The following DDO variants were observed in gnomAD, a reference collection of about 807,000 sequenced individuals.
DDO encodes the protein D-aspartate oxidase.
A neutral mutation model predicts 16.8 loss-of-function variants in DDO; 16 were observed. The observed-to-expected ratio is 0.95, with a 90% confidence interval of 0.65 to 1.45. The LOEUF is 1.45. Ranked by LOEUF, DDO falls within the 40% of genes most tolerant of loss-of-function variation. The probability of loss-of-function intolerance (pLI) is 0.00; values close to 1 mark genes in which losing one functional copy is unlikely to be tolerated. For missense variants in DDO, 429 were observed against 420.3 expected, an observed-to-expected ratio of 1.02 and a Z score of -0.18; for synonymous variants, 180 against 167.2, an observed-to-expected ratio of 1.08 and a Z score of -0.59.
Position 110,392,650 on chromosome 6 carries a change from AC to A in DDO, c.*124del. ...CCACCGTGCTCAGCTTACATGTTAC[AC>A]CACTTCTAATGTTGAAAACAAAGAA... On this transcript the variant is annotated 3_prime_UTR_variant, in exon 5 of 5. Transcript: ENST00000368924. 7.2e-7 allele frequency: 1 copy of A among 1,394,770 alleles called. No homozygotes were observed. The highest frequency in any genetic ancestry group is 1.8e-5 in the South Asian group (1 of 56,692). The allele number at this position is 1,394,770 out of a possible 1,614,324, so 86.4% of individuals were successfully genotyped here. A position where few individuals can be genotyped will look rare whatever the true frequency, so the allele number is the denominator to read the frequency against.
chr6:110,410,542 T>G (rs973356740), intron 2 of DDO, among the ~76,000 whole-genome samples: 1 of 152,192 alleles, frequency 6.6e-6, no homozygotes, highest in Non-Finnish European at 1.5e-5. Context: ...TCAGGAAACT[T>G]ACGATCGTGG....
chr6:110,406,297 G>GCA (rs754068666), intron 3 of DDO, among the ~76,000 whole-genome samples: 8 of 151,936 alleles, frequency 5.3e-5, no homozygotes, highest in Middle Eastern at 3.4e-3. Flanking sequence ...ACGCATGCAT[G>GCA]CACACACACA....
intron 4 of DDO, among the ~76,000 whole-genome samples, chr6:110,403,071 A>G (rs1773532870): frequency 6.6e-6 from 1 of 152,116 alleles, no homozygotes; most frequent in Non-Finnish European, 1.5e-5. Context: ...CCTTAATGAC[A>G]CCTCACCTTT....
At chr6:110,391,093 G>A (rs567995188), downstream of DDO, among the ~76,000 whole-genome samples, 4 of 152,170 alleles carry the variant, frequency 2.6e-5, no homozygotes, top group Non-Finnish European at 5.9e-5. Context: ...AATACTGCAA[G>A]GAATGATTAT....
chr6:110,400,260 G>A (rs983431947), intron 4 of DDO, among the ~76,000 whole-genome samples: 6 of 152,134 alleles, frequency 3.9e-5, no homozygotes, highest in South Asian at 2.1e-4. Flanking sequence ...CATTTGATTC[G>A]GTGTGGAAAT....
Position 110,407,481 on chromosome 6 carries a change from A to G in DDO, c.281+853T>C, listed in dbSNP as rs375370023. Among the ~76,000 whole-genome samples, 147 of 152,346 alleles carry G rather than the reference A, an allele frequency of 9.6e-4. 1 individual carries two copies. Among genetic ancestry groups the G allele is most frequent in the African/African-American group, 3.5e-3 (144 of 41,580 alleles). ...TTCACCCAATGCAAGTGTGTACACT[A>G]GACTAGCAAAAAACCCCAGTGGGCA... On this transcript the variant is annotated intron_variant, in intron 3 of 4. Transcript: ENST00000368924.
At chr6:110,403,513 T>C (rs1274648263) in intron 4 of DDO, among the ~76,000 whole-genome samples, 1 of 152,192 alleles carries the variant, frequency 6.6e-6, no homozygotes, top group African/African-American at 2.4e-5. Flanking sequence ...AGTCCAAACT[T>C]GGCATATGAA....
chr6:110,405,701 G>A (rs1243738510), intron 3 of DDO, among the ~76,000 whole-genome samples: 2 of 152,026 alleles, frequency 1.3e-5, no homozygotes, highest in Non-Finnish European at 2.9e-5. Context: ...GGGGAAGTTC[G>A]AGACCAGCCT....
At chr6:110,404,663 G>A (rs1011440116) in intron 4 of DDO, 111 bp downstream of exon 4, 42 of 1,221,486 alleles carry the variant, frequency 3.4e-5, no homozygotes, top group South Asian at 1.5e-4. Flanking sequence ...AAGGCAACGC[G>A]AAAGAGCTCT....
intron 3 of DDO, among the ~76,000 whole-genome samples, chr6:110,406,504 C>A (rs952150760): frequency 2.0e-5 from 3 of 152,120 alleles, no homozygotes; most frequent in African/African-American, 7.2e-5. Flanking sequence ...CAGTCCACAC[C>A]CAATCTATCT....
intron 4 of DDO, 21 bp from the exon 5 acceptor site, chr6:110,393,363 A>G (rs1402679413): frequency 1.3e-6 from 2 of 1,554,878 alleles, no homozygotes; most frequent in Non-Finnish European, 1.7e-6. Context: ...GAGGCCATGA[A>G]GTGAATATTT....
Position 110,408,318 on chromosome 6 carries a change from A to G in DDO, c.281+16T>C, listed in dbSNP as rs1773725874. The G allele has an allele frequency of 6.2e-7, 1 of 1,610,644 alleles. No homozygotes were observed. Reference sequence around the variant, plus strand: ...TCATGCTACACTCTAAAATAACTTCAAATTTCTTCACTTACCCTGATACCA... The same window carrying G: ...TCATGCTACACTCTAAAATAACTTCGAATTTCTTCACTTACCCTGATACCA... On this transcript the variant is annotated intron_variant, in intron 3 of 4. Transcript: ENST00000368924.
rs753454032 is a variant in DDO at position 110,393,171 on chromosome 6, C to T, written c.630G>A (p.Trp210Ter). The T allele has an allele frequency of 5.0e-6, 8 of 1,614,228 alleles. No homozygotes were observed. The South Asian group carries it at 6.6e-5, about 13-fold the overall frequency. ...TGCCATCTCGGATAAAATGCTCCACCCAGGGAGCCTGAACTTGGAGGACTT... is the reference window on the plus strand; with the variant it reads ...TGCCATCTCGGATAAAATGCTCCACTCAGGGAGCCTGAACTTGGAGGACTT... ...RGQVLQVQAPWVEHFIRDGSG... is the reference protein window; with the variant it reads ...RGQVLQVQAP Residue 210 changes from tryptophan (W) to a stop codon, truncating the protein, a stop_gained, in exon 5 of 5, where the codon TGG (tryptophan) becomes TGA (stop). Transcript: ENST00000368924. LOFTEE classifies it low-confidence loss of function (END_TRUNC).
intron 2 of DDO, among the ~76,000 whole-genome samples, chr6:110,410,676 A>G (rs946238281): frequency 6.6e-6 from 1 of 152,176 alleles, no homozygotes; most frequent in Non-Finnish European, 1.5e-5. Context: ...ATCACTCACT[A>G]TCATGAGAAC....
rs557764504 is a variant in DDO, at chr6:110,394,794, G to A, written c.459-1452C>T. 8.5e-5 allele frequency among the ~76,000 whole-genome samples: 13 copies of A among 152,324 alleles called. No homozygotes were observed. The East Asian group carries it at 2.3e-3, about 27-fold the overall frequency. On this transcript the variant is annotated intron_variant, in intron 4 of 4. Transcript: ENST00000368924. The stretch of plus-strand genomic sequence containing the variant: ...TCAGTTTCCTCATCTGCATCATGGG[G>A]AGGATACCTCCCTTGCCTGTCTCAC...
chr6:110,404,732 G>T, intron 4 of DDO, 42 bp downstream of exon 4: 2 of 1,601,318 alleles, frequency 1.2e-6, no homozygotes, highest in East Asian at 2.2e-5. Flanking sequence ...GTGATTTATG[G>T]CTATGACAGA....
chr6:110,396,026 C>T (rs1773278611), intron 4 of DDO, among the ~76,000 whole-genome samples: 1 of 152,110 alleles, frequency 6.6e-6, no homozygotes, highest in South Asian at 2.1e-4. Flanking sequence ...AAGACACCAA[C>T]TCAAAAAAGA....
chr6:110,413,725 C>T (rs1281311978), intron 1 of DDO, among the ~76,000 whole-genome samples: 1 of 152,162 alleles, frequency 6.6e-6, no homozygotes, highest in Admixed American at 6.5e-5. Flanking sequence ...AACACCTAGC[C>T]AGTAAGTAGG....
At chr6:110,398,417 CA>C (rs1562260036) in intron 4 of DDO, among the ~76,000 whole-genome samples, 2,519 of 140,528 alleles carry the variant, frequency 0.018, 77 homozygotes, top group African/African-American at 0.078. Flanking sequence ...CACACACACA[CA>C]CACACACACT....
Sources: allele counts gnomAD v4.1 joint callset (sites outside exome capture counted in the v4.1 genomes callset), GRCh38; gene constraint gnomAD v4.1.1; transcripts MANE v1.5; gene names NCBI Gene and HGNC (gene_info 2026-07-23, HGNC 2026-07-21).